The following PTPRD variants were observed in gnomAD, a reference collection of about 807,000 sequenced individuals.
PTPRD encodes receptor-type tyrosine-protein phosphatase delta.
Under a neutral mutation model 214.5 loss-of-function variants are expected in PTPRD, and 34 were observed. That is an observed-to-expected ratio of 0.16 (90% CI 0.12 to 0.21). The LOEUF (loss-of-function observed/expected upper bound fraction) is 0.21, where lower values mean the gene tolerates loss of function less well. Among genes scored for constraint, PTPRD ranks in the 10% least tolerant of loss-of-function variants. PTPRD has a pLI of 1.00. For missense variants in PTPRD, 2,545 were observed against 2,398.7 expected, an observed-to-expected ratio of 1.06 and a Z score of -1.27; for synonymous variants, 1,128 against 845.7, an observed-to-expected ratio of 1.33 and a Z score of -5.79.
chr9:9,499,583 A>G (rs1473253309), intron 8 of PTPRD, among the ~76,000 whole-genome samples: 5 of 152,130 alleles, frequency 3.3e-5, no homozygotes, highest in African/African-American at 9.7e-5. Context: ...CTAATTTGAC[A>G]TAGTATTCCT....
At chr9:8,908,991 A>T (rs963235523) in intron 11 of PTPRD, among the ~76,000 whole-genome samples, 1 of 150,534 alleles carries the variant, frequency 6.6e-6, no homozygotes, top group African/African-American at 2.4e-5. Context: ...ATGATATAAA[A>T]TATATAATTA....
intron 8 of PTPRD, among the ~76,000 whole-genome samples, chr9:9,450,577 G>A (rs71497140): frequency 0.064 from 9,657 of 151,838 alleles, 371 homozygotes; most frequent in South Asian, 0.12. Flanking sequence ...AAAGACATAT[G>A]TAAATTCTTA....
chr9:9,914,878 G>A (rs1379340263), intron 5 of PTPRD, among the ~76,000 whole-genome samples: 4 of 152,050 alleles, frequency 2.6e-5, no homozygotes, highest in African/African-American at 7.2e-5. Context: ...AGACCCACAG[G>A]CTGCCCTTGG....
chr9:10,563,063 A>G (rs764260540), intron 2 of PTPRD, among the ~76,000 whole-genome samples: 19 of 152,236 alleles, frequency 1.2e-4, no homozygotes, highest in Non-Finnish European at 2.2e-4. Flanking sequence ...GGGAATGCCT[A>G]TCCTTCAAAT....
chr9:9,750,618 A>G (rs1040934396), intron 6 of PTPRD, among the ~76,000 whole-genome samples: 51 of 152,096 alleles, frequency 3.4e-4, no homozygotes, highest in African/African-American at 1.2e-3. Context: ...AGAGGTTTGC[A>G]CTAGGGGTGT....
intron 7 of PTPRD, among the ~76,000 whole-genome samples, chr9:9,589,695 C>T (rs1476480674): frequency 1.3e-5 from 2 of 151,862 alleles, no homozygotes; most frequent in Admixed American, 6.6e-5. Context: ...TATAAGACAA[C>T]CCATTATTTC....
At chr9:9,010,223 G>C (rs1046085152) in intron 11 of PTPRD, among the ~76,000 whole-genome samples, 1 of 152,114 alleles carries the variant, frequency 6.6e-6, no homozygotes, top group Non-Finnish European at 1.5e-5. Flanking sequence ...ACATATCTTT[G>C]ACCAATATTT....
intron 11 of PTPRD, among the ~76,000 whole-genome samples, chr9:8,906,533 G>T (rs2098709030): frequency 6.6e-6 from 1 of 152,184 alleles, no homozygotes. Flanking sequence ...GTACTACATT[G>T]TAAGAAATAT....
intron 3 of PTPRD, among the ~76,000 whole-genome samples, chr9:10,209,604 T>G (rs1411649527): frequency 6.6e-6 from 1 of 152,106 alleles, no homozygotes; most frequent in Non-Finnish European, 1.5e-5. Context: ...GTTATAACTT[T>G]TCTACCTGAC....
chr9:9,725,163 T>C (rs1314940983), intron 7 of PTPRD, among the ~76,000 whole-genome samples: 1 of 152,198 alleles, frequency 6.6e-6, no homozygotes, highest in Non-Finnish European at 1.5e-5. Context: ...AAATCTCATC[T>C]TGTAGCTCCT....
intron 11 of PTPRD, chr9:8,860,661 A>C (rs1348038285): frequency 6.6e-6 from 1 of 152,196 alleles, no homozygotes; most frequent in Non-Finnish European, 1.5e-5. Context: ...TTGGCAACAA[A>C]AGAGTGTCCT....
At chr9:8,783,969 C>T (rs940269421) in intron 11 of PTPRD, among the ~76,000 whole-genome samples, 8 of 152,146 alleles carry the variant, frequency 5.3e-5, no homozygotes, top group South Asian at 2.1e-4. Flanking sequence ...TGGTAATTCA[C>T]GAAAGGGTTG....
At chr9:9,436,553 G>T (rs2085332037) in intron 8 of PTPRD, among the ~76,000 whole-genome samples, 2 of 151,644 alleles carry the variant, frequency 1.3e-5, no homozygotes, top group South Asian at 4.2e-4. Context: ...TAAATTTATT[G>T]GTAAAATGTA....
chr9:10,274,520 T>C (rs2094576273), intron 3 of PTPRD, among the ~76,000 whole-genome samples: 1 of 152,180 alleles, frequency 6.6e-6, no homozygotes, highest in Non-Finnish European at 1.5e-5. Flanking sequence ...ATATTTAAAT[T>C]AGAAGACAAG....
At chr9:9,033,255 C>G (rs2099611322) in intron 10 of PTPRD, among the ~76,000 whole-genome samples, 1 of 152,036 alleles carries the variant, frequency 6.6e-6, no homozygotes, top group Non-Finnish European at 1.5e-5. Context: ...TTAGAAACAC[C>G]AAACTTTATT....
chr9:8,586,692 G>C (rs1456235812), intron 14 of PTPRD, among the ~76,000 whole-genome samples: 10 of 152,176 alleles, frequency 6.6e-5, no homozygotes, highest in Non-Finnish European at 1.2e-4. Context: ...CCCAGTCACT[G>C]TCTATGCCTT....
At chr9:8,539,147 A>G in intron 14 of PTPRD, among the ~76,000 whole-genome samples, 1 of 152,072 alleles carries the variant, frequency 6.6e-6, no homozygotes, top group East Asian at 1.9e-4. Context: ...ACTGAATAAA[A>G]TAAAGACATG....
chr9:9,182,792 C>G (rs1458049125), intron 10 of PTPRD, among the ~76,000 whole-genome samples: 1 of 151,914 alleles, frequency 6.6e-6, no homozygotes, highest in African/African-American at 2.4e-5. Context: ...TATTGTTTAA[C>G]AAAGATTAGA....
intron 14 of PTPRD, among the ~76,000 whole-genome samples, chr9:8,536,489 T>A (rs2076962352): frequency 6.6e-6 from 1 of 151,936 alleles, no homozygotes; most frequent in African/African-American, 2.4e-5. Flanking sequence ...TATAGGCTTC[T>A]CATTCCCTCA....
Sources: allele counts gnomAD v4.1 joint callset (sites outside exome capture counted in the v4.1 genomes callset), GRCh38; gene constraint gnomAD v4.1.1; transcripts MANE v1.5; gene names NCBI Gene and HGNC (gene_info 2026-07-23, HGNC 2026-07-21).